Variants in DMXL1 observed in about 807,000 individuals in gnomAD.
The protein encoded by DMXL1 is dmX-like protein 1.
In DMXL1, 99 loss-of-function variants were observed where a neutral mutation model predicts 319.2. That is an observed-to-expected ratio of 0.31 (90% CI 0.26 to 0.37). The LOEUF is 0.37. Ranked by LOEUF, DMXL1 falls within the 10% of genes least tolerant of loss-of-function variation. The pLI, the probability that DMXL1 is intolerant of heterozygous loss-of-function variation, is 1.00. For missense variants in DMXL1, 3,745 were observed against 3,595.6 expected (o/e 1.04, Z -1.06); for synonymous variants, 1,385 against 1,235.2 (o/e 1.12, Z -2.54).
chr5:119,230,510 G>T (rs2150664461), intron 38 of DMXL1, among the ~76,000 whole-genome samples: 1 of 152,242 alleles, frequency 6.6e-6, no homozygotes, highest in Admixed American at 6.5e-5. Flanking sequence ...AAACATACAG[G>T]CAGAAGCAGA....
intron 21 of DMXL1, 49 bp from the exon 22 acceptor site, chr5:119,166,567 A>C (rs759005117): frequency 6.5e-7 from 1 of 1,530,336 alleles, no homozygotes; most frequent in Non-Finnish European, 8.9e-7. Flanking sequence ...ATTCTGATGT[A>C]AAGAAAATTG....
At chr5:119,156,609 A>G (rs1771124833) in intron 19 of DMXL1, among the ~76,000 whole-genome samples, 2 of 151,960 alleles carry the variant, frequency 1.3e-5, no homozygotes, top group Admixed American at 1.3e-4. Flanking sequence ...GACTATATAC[A>G]CATAAGTGGG....
In DMXL1 at chr5:119,071,319, G is replaced by C; in HGVS notation, c.-251G>C. On this transcript the variant is annotated 5_prime_UTR_variant, in exon 1 of 44. Coordinates refer to ENST00000539542, the MANE Select transcript of DMXL1 (RefSeq NM_001290321.3). Reference sequence around the variant, plus strand: ...CTGAGCTTCACCTGGGCTAGCGCGGGGAGTGACAGGTGCGCGAAGGAGCGC... The same window carrying C: ...CTGAGCTTCACCTGGGCTAGCGCGGCGAGTGACAGGTGCGCGAAGGAGCGC... The C allele has an allele frequency of 2.0e-6, 1 of 503,710 alleles. No homozygotes were observed. The highest frequency in any genetic ancestry group is 2.2e-5 in the South Asian group (1 of 45,442). The allele number at this position is 503,710 out of a possible 1,614,324, so 31.2% of individuals were successfully genotyped here. A position where few individuals can be genotyped will look rare whatever the true frequency, so the allele number is the denominator to read the frequency against.
At chr5:119,173,460 A>T (rs1003840824) in intron 25 of DMXL1, among the ~76,000 whole-genome samples, 4 of 151,460 alleles carry the variant, frequency 2.6e-5, no homozygotes, top group Non-Finnish European at 4.4e-5. Flanking sequence ...TGGGCCAGCT[A>T]TACTAATGTC....
At position 119,244,204 on chromosome 5, in the gene DMXL1, A is replaced by G. The variant is rs150671209; in HGVS notation, c.8705-155A>G. ...GATCATTCTTCATTACCTTATATCC[A>G]GTGTCTGAAATCATTGGTTTTTATA... On this transcript the variant is annotated intron_variant, in intron 42 of 43. Transcript: ENST00000539542. Among the ~76,000 whole-genome samples, 606 of 152,268 alleles carry G rather than the reference A, an allele frequency of 4.0e-3. 10 individuals carry two copies. The highest frequency in any genetic ancestry group is 0.027 in the South Asian group (131 of 4,824).
intron 5 of DMXL1, among the ~76,000 whole-genome samples, chr5:119,110,617 A>T (rs1759365792): frequency 6.6e-6 from 1 of 152,204 alleles, no homozygotes; most frequent in African/African-American, 2.4e-5. Context: ...TTCCCACATA[A>T]TCTATATATT....
In DMXL1 at chr5:119,078,506, A is replaced by G. The variant is rs1483930844; in HGVS notation, c.87+6850A>G. On this transcript the variant is annotated intron_variant, in intron 1 of 43. Coordinates refer to ENST00000539542, the MANE Select transcript of DMXL1 (RefSeq NM_001290321.3). ...TGCTCTGTCACACAGGCTGGAGTGC[A>G]GTTGTGGGATCACAGCTCACTGCAG... 2.6e-5 allele frequency among the ~76,000 whole-genome samples: 4 copies of G among 152,242 alleles called. No homozygotes were observed. In the East Asian group the frequency reaches 5.8e-4, roughly 22 times the overall value.
At chr5:119,203,488 T>C in intron 33 of DMXL1, 52 bp downstream of exon 33, 1 of 1,103,006 alleles carries the variant, frequency 9.1e-7, no homozygotes, top group Non-Finnish European at 1.3e-6. Context: ...GTCTTTTATA[T>C]TATCATGTAA....
chr5:119,161,135 G>A (rs987656695), intron 19 of DMXL1, among the ~76,000 whole-genome samples: 27 of 152,156 alleles, frequency 1.8e-4, no homozygotes, highest in Admixed American at 3.9e-4. Context: ...CTGATTATGC[G>A]TGGTTCAGCC....
At position 119,089,518 on chromosome 5, in the gene DMXL1, G is replaced by C. The variant is rs983293209; in HGVS notation, c.88-8461G>C. Among the ~76,000 whole-genome samples the C allele has an allele frequency of 4.6e-5, 7 of 150,648 alleles. No individual in the cohort carries two copies. The South Asian group carries it at 1.3e-3, about 27-fold the overall frequency. Reference sequence around the variant, plus strand: ...AGATGGGGTTTTGCCATTTTGGCCAGGCTGGTCTCAAACTCCTGGCCTCAA... The same window carrying C: ...AGATGGGGTTTTGCCATTTTGGCCACGCTGGTCTCAAACTCCTGGCCTCAA... On this transcript the variant is annotated intron_variant, in intron 1 of 43. Coordinates refer to ENST00000539542, the MANE Select transcript of DMXL1 (RefSeq NM_001290321.3).
At chr5:119,227,566 A>C (rs1346017019) in intron 38 of DMXL1, among the ~76,000 whole-genome samples, 1 of 152,050 alleles carries the variant, frequency 6.6e-6, no homozygotes, top group Non-Finnish European at 1.5e-5. Flanking sequence ...TCTGTAAGGC[A>C]ACCATGTAAG....
chr5:119,091,959 T>G (rs542753266), intron 1 of DMXL1, among the ~76,000 whole-genome samples: 1 of 152,278 alleles, frequency 6.6e-6, no homozygotes, highest in South Asian at 2.1e-4. Flanking sequence ...TTGTGATGCT[T>G]CTTATGGGTT....
In DMXL1 at chr5:119,173,776, GTATATATATA is replaced by G. The variant is rs758312462; in HGVS notation, c.6682-1472_6682-1463del. ...TGTGTATATATATATATGTGTGTGTGTATATATATATATATATATATAATGAGAGAGAGAT... is the reference window on the plus strand; with the variant it reads ...TGTGTATATATATATATGTGTGTGTGTATATATATATAATGAGAGAGAGAT... On this transcript the variant is annotated intron_variant, in intron 25 of 43. Transcript: ENST00000539542. Among the ~76,000 whole-genome samples, 107 of 67,168 alleles carry G rather than the reference GTATATATATA, an allele frequency of 1.6e-3. 8 individuals carry two copies. Among genetic ancestry groups the G allele is most frequent in the African/African-American group, 5.2e-3 (93 of 18,012 alleles). The allele number at this position is 67,168 out of a possible 152,430, so 44.1% of individuals were successfully genotyped here.
In DMXL1 at chr5:119,134,275, C is replaced by T; in HGVS notation, c.2262C>T (p.Tyr754=). 5 of 1,611,948 alleles carry T rather than the reference C, an allele frequency of 3.1e-6. No homozygotes were observed. The highest frequency in any genetic ancestry group is 2.2e-5 in the East Asian group (1 of 44,880). The change falls in exon 13 of 44, where the codon TAC becomes TAT. Residue 754 remains tyrosine (Y), a synonymous_variant. Coordinates refer to ENST00000539542, the MANE Select transcript of DMXL1 (RefSeq NM_001290321.3). ...TTTGTAAATACTTTCTAGGTGCATA[C>T]TGCAACTCTCCTAGTGCATGCTTTG... ...TLIPSYCLGA[Y]CNSPSACFVA...
chr5:119,099,936 G>C (rs1756862844), intron 2 of DMXL1, among the ~76,000 whole-genome samples: 1 of 152,116 alleles, frequency 6.6e-6, no homozygotes, highest in Non-Finnish European at 1.5e-5. Flanking sequence ...AGGAGTTCCA[G>C]GCTGCAGTCA....
intron 13 of DMXL1, among the ~76,000 whole-genome samples, chr5:119,142,008 A>G (rs1280989297): frequency 2.0e-5 from 3 of 152,220 alleles, no homozygotes; most frequent in Admixed American, 6.5e-5. Flanking sequence ...AAAACAAGCA[A>G]TGGGGAAAGG....
chr5:119,210,757 GTT>G, intron 34 of DMXL1, among the ~76,000 whole-genome samples: 4 of 89,760 alleles, frequency 4.5e-5, no homozygotes, highest in Non-Finnish European at 6.3e-5. Flanking sequence ...TTTTTCTTTC[GTT>G]TTTTTTTTTT....
chr5:119,163,686 T>G (rs1331596950), intron 19 of DMXL1, among the ~76,000 whole-genome samples: 1 of 152,218 alleles, frequency 6.6e-6, no homozygotes, highest in East Asian at 1.9e-4. Flanking sequence ...CCTCCTGGGT[T>G]CACGCCATTC....
In DMXL1 at chr5:119,149,807, C is replaced by T. The variant is rs1769371536; in HGVS notation, c.3980C>T (p.Pro1327Leu). 6.2e-7 allele frequency: 1 copy of T among 1,613,910 alleles called. No individual in the cohort carries two copies. Among genetic ancestry groups the T allele is most frequent in the Non-Finnish European group, 8.5e-7 (1 of 1,179,912 alleles). The change falls in exon 18 of 44, where the codon CCC becomes CTC. Residue 1327 changes from proline (P) to leucine (L), a missense_variant. Physicochemically the swap from Pro to Leu is moderately conservative, Grantham distance 98. Transcript: ENST00000539542. ...VLSPTLPQYH[P>L]LQLLELMDLG... ...TCCCCGACTCTACCTCAGTATCATC[C>T]CTTGCAGCTTTTGGAACTCATGGAT...
Sources: gnomAD v4.1 joint callset for allele counts (sites outside exome capture counted in the v4.1 genomes callset) on GRCh38, gnomAD v4.1.1 for gene constraint, MANE v1.5 for transcripts, NCBI Gene and HGNC (gene_info 2026-07-23, HGNC 2026-07-21) for gene names.